The following VPS13B variants were observed in gnomAD, a reference collection of about 807,000 sequenced individuals.
VPS13B encodes the protein intermembrane lipid transfer protein VPS13B.
Under a neutral mutation model 426.4 loss-of-function variants are expected in VPS13B, and 285 were observed. That is an observed-to-expected ratio of 0.67 (90% CI 0.61 to 0.74). The LOEUF (loss-of-function observed/expected upper bound fraction) is 0.74. VPS13B is among the 30% of genes least tolerant of loss of function. VPS13B has a pLI of 0.00. For synonymous variants in VPS13B, 1,676 were observed against 1,676.4 expected (o/e 1.00, Z 0.01); for missense variants, 4,537 against 4,782.6 (o/e 0.95, Z 1.51).
intron 28 of VPS13B, among the ~76,000 whole-genome samples, chr8:99,508,409 C>T (rs1233760293): frequency 6.6e-6 from 1 of 152,110 alleles, no homozygotes; most frequent in Non-Finnish European, 1.5e-5. Context: ...AGAACCTTGA[C>T]TTTTTTAATG....
Position 99,654,185 on chromosome 8 carries a change from A to G in VPS13B, c.5909-7169A>G, listed in dbSNP as rs1829934846. ...TGCCTCAGCCTCCCTAGTAGCTGGGACTATAGGCGCCCGCCACCACGCCCG... is the reference window on the plus strand; with the variant it reads ...TGCCTCAGCCTCCCTAGTAGCTGGGGCTATAGGCGCCCGCCACCACGCCCG... On this transcript the variant is annotated intron_variant, in intron 34 of 61. Coordinates refer to ENST00000357162, the MANE Select transcript of VPS13B (RefSeq NM_152564.5). 2.6e-5 allele frequency among the ~76,000 whole-genome samples: 4 copies of G among 152,072 alleles called. No homozygotes were observed. The South Asian group carries it at 8.3e-4, about 32-fold the overall frequency.
At chr8:99,199,897 T>G (rs776269831) in intron 17 of VPS13B, among the ~76,000 whole-genome samples, 8 of 152,184 alleles carry the variant, frequency 5.3e-5, no homozygotes, top group Non-Finnish European at 1.0e-4. Context: ...TTATATAAAA[T>G]TTTTGTACCA....
intron 19 of VPS13B, among the ~76,000 whole-genome samples, chr8:99,295,839 CA>C: frequency 6.6e-6 from 1 of 152,192 alleles, no homozygotes. Context: ...CCAACCTAAA[CA>C]ACATAGAGAG....
intron 2 of VPS13B, among the ~76,000 whole-genome samples, chr8:99,030,434 T>A (rs1842457469): frequency 6.7e-6 from 1 of 149,232 alleles, no homozygotes; most frequent in Non-Finnish European, 1.5e-5. Context: ...AACTGGTATG[T>A]CTAAATTGTC....
At chr8:99,321,997 T>C (rs1810010312) in intron 19 of VPS13B, among the ~76,000 whole-genome samples, 1 of 152,236 alleles carries the variant, frequency 6.6e-6, no homozygotes, top group African/African-American at 2.4e-5. Flanking sequence ...ACAATTATTA[T>C]GGGAAGCCAA....
intron 35 of VPS13B, among the ~76,000 whole-genome samples, chr8:99,673,877 G>A (rs909131620): frequency 6.6e-6 from 1 of 152,030 alleles, no homozygotes; most frequent in East Asian, 1.9e-4. Flanking sequence ...TCATTCAGGA[G>A]CATGTTATTT....
chr8:99,723,202 CA>C (rs1361726710), intron 39 of VPS13B, among the ~76,000 whole-genome samples: 3 of 152,036 alleles, frequency 2.0e-5, no homozygotes, highest in Non-Finnish European at 4.4e-5. Flanking sequence ...ATTCCAACAA[CA>C]AAATGAGGCT....
At chr8:99,316,211 G>T (rs1283753030) in intron 19 of VPS13B, among the ~76,000 whole-genome samples, 5 of 152,164 alleles carry the variant, frequency 3.3e-5, no homozygotes, top group African/African-American at 1.2e-4. Context: ...GCTTATAAAT[G>T]CACAGTTGCT....
intron 19 of VPS13B, among the ~76,000 whole-genome samples, chr8:99,377,050 T>C (rs1380909927): frequency 6.6e-6 from 1 of 152,086 alleles, no homozygotes; most frequent in African/African-American, 2.4e-5. Flanking sequence ...GTCATAAATT[T>C]ATTTGCTTTT....
chr8:99,331,808 A>G (rs1473732696), intron 19 of VPS13B, among the ~76,000 whole-genome samples: 2 of 151,820 alleles, frequency 1.3e-5, no homozygotes, highest in Non-Finnish European at 3.0e-5. Context: ...TTGCATGTTT[A>G]CATGAGACAG....
At chr8:99,086,475 C>T (rs1018129798) in intron 3 of VPS13B, among the ~76,000 whole-genome samples, 3 of 152,312 alleles carry the variant, frequency 2.0e-5, no homozygotes, top group Admixed American at 1.3e-4. Context: ...AGTCATTGTC[C>T]GTCCAGCTTT....
intron 35 of VPS13B, among the ~76,000 whole-genome samples, chr8:99,689,921 T>C (rs1465796999): frequency 1.3e-5 from 2 of 152,234 alleles, no homozygotes; most frequent in Non-Finnish European, 2.9e-5. Flanking sequence ...TCTTTAGTTT[T>C]CATTTTATAC....
chr8:99,275,288 GCTT>G, intron 19 of VPS13B, 34 bp downstream of exon 19: 4 of 1,095,986 alleles, frequency 3.6e-6, no homozygotes, highest in East Asian at 3.5e-5. Context: ...CCCTTGTTTT[GCTT>G]TTTTTTTTTT....
chr8:99,108,760 G>A (rs1847188557), intron 5 of VPS13B, among the ~76,000 whole-genome samples: 1 of 151,944 alleles, frequency 6.6e-6, no homozygotes, highest in Admixed American at 6.6e-5. Context: ...GAGTATTTAG[G>A]GTCTTTGTGG....
intron 31 of VPS13B, 134 bp from the exon 32 acceptor site, chr8:99,575,524 A>G (rs1040918795): frequency 2.7e-5 from 28 of 1,042,040 alleles, no homozygotes; most frequent in Non-Finnish European, 3.5e-5. Flanking sequence ...ACTGTAAAAT[A>G]TGCAAATAGG....
At chr8:99,070,665 C>A (rs1844808446) in intron 3 of VPS13B, among the ~76,000 whole-genome samples, 3 of 152,116 alleles carry the variant, frequency 2.0e-5, no homozygotes, top group Non-Finnish European at 4.4e-5. Flanking sequence ...ACATTACCTT[C>A]TTTTCTCGAA....
intron 19 of VPS13B, among the ~76,000 whole-genome samples, chr8:99,357,197 C>T (rs1812226730): frequency 1.3e-5 from 2 of 152,154 alleles, no homozygotes; most frequent in Admixed American, 1.3e-4. Flanking sequence ...CTTCCTCTAC[C>T]TCACCTATTC....
intron 19 of VPS13B, among the ~76,000 whole-genome samples, chr8:99,362,464 T>C (rs1812624237): frequency 6.6e-6 from 1 of 152,160 alleles, no homozygotes; most frequent in Non-Finnish European, 1.5e-5. Flanking sequence ...ATGCCTTTAG[T>C]TTCATTATAG....
chr8:99,264,737 A>C (rs952835313), intron 17 of VPS13B, among the ~76,000 whole-genome samples: 1 of 152,016 alleles, frequency 6.6e-6, no homozygotes, highest in African/African-American at 2.4e-5. Context: ...TTCATTTGTT[A>C]ATACTGGATA....
Sources: allele counts gnomAD v4.1 joint callset (sites outside exome capture counted in the v4.1 genomes callset), GRCh38; gene constraint gnomAD v4.1.1; transcripts MANE v1.5; gene names NCBI Gene and HGNC (gene_info 2026-07-23, HGNC 2026-07-21).